SPATS2: variants seen among roughly 807,000 people sequenced by gnomAD.
SPATS2 encodes spermatogenesis-associated serine-rich protein 2.
A neutral mutation model predicts 63.7 loss-of-function variants in SPATS2; 38 were observed. The observed-to-expected ratio is 0.60, with a 90% CI of 0.46 to 0.78. The LOEUF is 0.78. Ranked by LOEUF, SPATS2 falls within the 30% of genes least tolerant of loss-of-function variation. The probability of loss-of-function intolerance (pLI) is 0.00; values close to 1 mark genes in which losing one functional copy is unlikely to be tolerated. For synonymous variants in SPATS2, 207 were observed against 232.9 expected, an observed-to-expected ratio of 0.89 and a Z score of 1.01; for missense variants, 588 against 666.2, an observed-to-expected ratio of 0.88 and a Z score of 1.29.
chr12:49,367,378 A>G, upstream of SPATS2: 1 of 390,442 alleles, frequency 2.6e-6, no homozygotes, highest in Non-Finnish European at 4.5e-6. Context: ...AGCATCCTGC[A>G]GTCCGGCCCA....
At chr12:49,514,820 T>A (rs1014784754) in intron 10 of SPATS2, among the ~76,000 whole-genome samples, 4 of 152,234 alleles carry the variant, frequency 2.6e-5, no homozygotes, top group African/African-American at 9.6e-5. Context: ...TTCCAAATCT[T>A]AATATTTTGA....
chr12:49,447,067 T>C (rs943237848), intron 2 of SPATS2, among the ~76,000 whole-genome samples: 5 of 151,652 alleles, frequency 3.3e-5, no homozygotes, highest in African/African-American at 9.7e-5. Flanking sequence ...TAGCTAGGAT[T>C]ACAAGTGCCT....
intron 2 of SPATS2, among the ~76,000 whole-genome samples, chr12:49,377,787 G>A (rs1944134883): frequency 6.6e-6 from 1 of 152,054 alleles, no homozygotes; most frequent in Non-Finnish European, 1.5e-5. Context: ...AAATAGGGAA[G>A]CTGTATGAGA....
intron 2 of SPATS2, among the ~76,000 whole-genome samples, chr12:49,437,404 G>A (rs1451947682): frequency 2.6e-5 from 4 of 151,912 alleles, no homozygotes; most frequent in Admixed American, 6.5e-5. Context: ...AGGCAGAGAC[G>A]CTCCTCACTT....
chr12:49,449,548 C>G (rs1592407794), intron 2 of SPATS2, among the ~76,000 whole-genome samples: 1 of 152,198 alleles, frequency 6.6e-6, no homozygotes, highest in South Asian at 2.1e-4. Context: ...TTAGTCTGTT[C>G]CCACGCTGCA....
chr12:49,417,211 G>T (rs1460893482), intron 2 of SPATS2, among the ~76,000 whole-genome samples: 1 of 152,206 alleles, frequency 6.6e-6, no homozygotes, highest in East Asian at 1.9e-4. Flanking sequence ...GAAACAAAAA[G>T]AAATTAAAAT....
At chr12:49,393,030 C>T (rs1049134078) in intron 2 of SPATS2, among the ~76,000 whole-genome samples, 4 of 152,054 alleles carry the variant, frequency 2.6e-5, no homozygotes, top group Admixed American at 2.6e-4. Flanking sequence ...CCAGCCTGGG[C>T]AAAACTGTGA....
At chr12:49,407,891 G>A (rs1944723862) in intron 2 of SPATS2, among the ~76,000 whole-genome samples, 1 of 152,206 alleles carries the variant, frequency 6.6e-6, no homozygotes, top group African/African-American at 2.4e-5. Flanking sequence ...ACCGCCAACA[G>A]CAGAGCTGAG....
At chr12:49,438,423 A>G (rs1177771064) in intron 2 of SPATS2, among the ~76,000 whole-genome samples, 2 of 152,168 alleles carry the variant, frequency 1.3e-5, no homozygotes, top group Non-Finnish European at 2.9e-5. Flanking sequence ...AGCCATATGT[A>G]CTTATTTCTT....
intron 8 of SPATS2, 124 bp from the exon 9 acceptor site, chr12:49,499,946 G>A: frequency 1.5e-6 from 1 of 686,012 alleles, no homozygotes; most frequent in Non-Finnish European, 2.1e-6. Context: ...CATTGGGGAA[G>A]GTGGTTATTT....
chr12:49,427,834 C>T (rs1314456511), intron 2 of SPATS2, among the ~76,000 whole-genome samples: 1 of 152,126 alleles, frequency 6.6e-6, no homozygotes, highest in Admixed American at 6.6e-5. Flanking sequence ...TCTATACTAG[C>T]TCTTTAAAAA....
At chr12:49,519,031 T>A (rs757798682) in intron 10 of SPATS2, 42 bp from the exon 11 acceptor site, 1 of 1,520,008 alleles carries the variant, frequency 6.6e-7, no homozygotes, top group South Asian at 1.1e-5. Context: ...CTTTATCCTA[T>A]TTAGCAGCAA....
chr12:49,465,176 G>T (rs1945890596), intron 3 of SPATS2, among the ~76,000 whole-genome samples: 1 of 152,130 alleles, frequency 6.6e-6, no homozygotes, highest in Non-Finnish European at 1.5e-5. Context: ...ATGTACATTT[G>T]CTTACAAGTC....
In SPATS2 at chr12:49,494,928, T is replaced by G. The variant is rs538794407; in HGVS notation, c.452T>G (p.Leu151Trp). The change falls in exon 7 of 14, where the codon TTG (leucine) becomes TGG (tryptophan). Residue 151 changes from leucine to tryptophan, a missense_variant. Transcript: ENST00000552918. ...TCTGTGGACTCACTCAGTGAAGGTT[T>G]GGAGACACTTTCAATAGATGCCAGA... ...TESVDSLSEG[L>W]ETLSIDAREL... 23 of 1,614,048 alleles carry G rather than the reference T, an allele frequency of 1.4e-5. No homozygotes were observed. In the East Asian group the frequency reaches 4.7e-4, roughly 33 times the overall value.
Position 49,499,663 on chromosome 12 carries a change from G to A in SPATS2, c.704-407G>A, listed in dbSNP as rs374237307. Among the ~76,000 whole-genome samples, 7 of 151,906 alleles carry A rather than the reference G, an allele frequency of 4.6e-5. 1 individual carries two copies. Among genetic ancestry groups the A allele is most frequent in the African/African-American group, 7.3e-5 (3 of 41,366 alleles). Reference sequence around the variant, plus strand: ...CCAACTTTGTCCCTTCAATTCAGGGGGTCCACCAGGCTGTTGAGGATTTCT... The same window carrying A: ...CCAACTTTGTCCCTTCAATTCAGGGAGTCCACCAGGCTGTTGAGGATTTCT... On this transcript the variant is annotated intron_variant, in intron 8 of 13. Coordinates refer to ENST00000552918, the MANE Select transcript of SPATS2 (RefSeq NM_023071.4).
At position 49,449,211 on chromosome 12, in the gene SPATS2, G is replaced by T. The variant is rs568581459; in HGVS notation, c.-243-11559G>T. Among the ~76,000 whole-genome samples, 914 of 151,894 alleles carry T rather than the reference G, an allele frequency of 6.0e-3. 5 individuals carry two copies. The highest frequency in any genetic ancestry group is 7.9e-3 in the Non-Finnish European group (536 of 67,916). ...TACTGATTTTCTGTCTGTTTTTTTT[G>T]TTTGTTTGTTTGTTTGTTTTCTGAG... On this transcript the variant is annotated intron_variant, in intron 2 of 13. Transcript: ENST00000552918.
chr12:49,404,734 T>A (rs1452427160), intron 2 of SPATS2, among the ~76,000 whole-genome samples: 1 of 152,044 alleles, frequency 6.6e-6, no homozygotes, highest in Non-Finnish European at 1.5e-5. Flanking sequence ...GAGAACAGAG[T>A]CATCTGTTCT....
intron 2 of SPATS2, among the ~76,000 whole-genome samples, chr12:49,372,940 TTGTGTG>T (rs56940721): frequency 0.091 from 11,783 of 129,812 alleles, 669 homozygotes; most frequent in African/African-American, 0.16. Context: ...ATTTTCTGTT[TTGTGTG>T]TGTGTGTGTG....
intron 3 of SPATS2, among the ~76,000 whole-genome samples, chr12:49,481,617 G>A (rs945820567): frequency 6.6e-6 from 1 of 151,704 alleles, no homozygotes; most frequent in Non-Finnish European, 1.5e-5. Flanking sequence ...ACAGGTGCCT[G>A]CCACCATGCC....
Sources: allele counts gnomAD v4.1 joint callset (sites outside exome capture counted in the v4.1 genomes callset), GRCh38; gene constraint gnomAD v4.1.1; transcripts MANE v1.5; gene names NCBI Gene and HGNC (gene_info 2026-07-23, HGNC 2026-07-21).